The following SRBD1 variants were observed in gnomAD, a reference collection of about 807,000 sequenced individuals.
SRBD1 encodes S1 RNA binding domain 1.
A neutral mutation model predicts 115.3 loss-of-function variants in SRBD1; 88 were observed. The ratio of observed to expected loss-of-function variants is 0.76; its 90% CI spans 0.64 to 0.91. The LOEUF is 0.91. SRBD1 is among the 40% of genes least tolerant of loss of function. SRBD1 has a pLI of 0.00. For synonymous variants in SRBD1, 509 were observed against 407.7 expected (o/e 1.25, Z -2.99); for missense variants, 1,385 against 1,177.4 (o/e 1.18, Z -2.58).
At chr2:45,526,451 G>C (rs1671444958) in intron 14 of SRBD1, among the ~76,000 whole-genome samples, 1 of 151,946 alleles carries the variant, frequency 6.6e-6, no homozygotes, top group Non-Finnish European at 1.5e-5. Context: ...CTGGAGTAGG[G>C]AAGGTGAGAA....
chr2:45,602,485 T>C (rs1477252540), intron 2 of SRBD1, among the ~76,000 whole-genome samples: 3 of 152,202 alleles, frequency 2.0e-5, no homozygotes, highest in African/African-American at 7.2e-5. Flanking sequence ...ATCAAATTCA[T>C]TTAAATTGTA....
chr2:45,441,245 G>A (rs1351472764), intron 16 of SRBD1, among the ~76,000 whole-genome samples: 5 of 152,084 alleles, frequency 3.3e-5, no homozygotes, highest in Non-Finnish European at 5.9e-5. Context: ...TAACCATGGC[G>A]ACAGAGCCCA....
intron 8 of SRBD1, among the ~76,000 whole-genome samples, chr2:45,573,604 T>A (rs1459256940): frequency 6.6e-6 from 1 of 152,262 alleles, no homozygotes; most frequent in East Asian, 1.9e-4. Context: ...CCATCTGCAA[T>A]TATGCAAAAG....
intron 14 of SRBD1, among the ~76,000 whole-genome samples, chr2:45,530,536 T>C (rs1671578864): frequency 6.6e-6 from 1 of 152,058 alleles, no homozygotes; most frequent in African/African-American, 2.4e-5. Context: ...TTCTAAGCAA[T>C]ATCATGCTTC....
intron 16 of SRBD1, among the ~76,000 whole-genome samples, chr2:45,472,445 G>T (rs760418550): frequency 6.6e-6 from 1 of 152,186 alleles, no homozygotes; most frequent in Non-Finnish European, 1.5e-5. Flanking sequence ...TGAATTGTAT[G>T]ATGTGCAATT....
At chr2:45,457,597 C>T (rs1310295290) in intron 16 of SRBD1, among the ~76,000 whole-genome samples, 1 of 151,986 alleles carries the variant, frequency 6.6e-6, no homozygotes, top group African/African-American at 2.4e-5. Flanking sequence ...TTGATACTAA[C>T]TGCAATTAAA....
chr2:45,518,006 T>C (rs1671172303), intron 14 of SRBD1, among the ~76,000 whole-genome samples: 1 of 152,002 alleles, frequency 6.6e-6, no homozygotes, highest in African/African-American at 2.4e-5. Context: ...CAAAAAATAA[T>C]GATGATGATG....
chr2:45,483,552 G>A (rs1157910791), intron 15 of SRBD1, among the ~76,000 whole-genome samples: 1 of 151,994 alleles, frequency 6.6e-6, no homozygotes, highest in Non-Finnish European at 1.5e-5. Flanking sequence ...GAAATATCTA[G>A]AATCCTAAAG....
chr2:45,523,270 C>T (rs1403996182), intron 14 of SRBD1, among the ~76,000 whole-genome samples: 1 of 131,048 alleles, frequency 7.6e-6, no homozygotes, highest in Non-Finnish European at 1.6e-5. Flanking sequence ...CCACCCAAAA[C>T]GCTGGAAAAA....
intron 14 of SRBD1, chr2:45,546,317 C>T: frequency 1.0e-6 from 1 of 985,352 alleles, no homozygotes; most frequent in Non-Finnish European, 1.2e-6. Flanking sequence ...TAATACTTAC[C>T]TTGGCTCTCA....
chr2:45,414,544 T>C (rs1299168963), intron 18 of SRBD1, among the ~76,000 whole-genome samples: 1 of 108,874 alleles, frequency 9.2e-6, no homozygotes, highest in South Asian at 2.9e-4. Context: ...TGTACACACA[T>C]AGTGTCTGTA....
intron 1 of SRBD1, among the ~76,000 whole-genome samples, chr2:45,606,295 G>C (rs950651676): frequency 6.6e-6 from 1 of 151,968 alleles, no homozygotes; most frequent in South Asian, 2.1e-4. Context: ...TAGTAGCTGG[G>C]ATTACAGGCA....
intron 16 of SRBD1, chr2:45,447,143 A>C (rs1406848553): frequency 6.6e-6 from 1 of 152,248 alleles, no homozygotes; most frequent in Non-Finnish European, 1.5e-5. Flanking sequence ...CACTTGTAAA[A>C]AATTACCTTT....
chr2:45,571,518 A>AAAAAAAAAAAAAAAAAAAC (rs1673012114), intron 9 of SRBD1, among the ~76,000 whole-genome samples: 1 of 59,222 alleles, frequency 1.7e-5, no homozygotes, highest in African/African-American at 8.7e-5. Flanking sequence ...AGACTTTACC[A>AAAAAAAAAAAAAAAAAAAC]AAAAAAAAAA....
At chr2:45,585,567 T>C (rs1355229459) in intron 5 of SRBD1, 41 bp downstream of exon 5, 2 of 1,576,776 alleles carry the variant, frequency 1.3e-6, no homozygotes, top group Admixed American at 2.1e-5. Context: ...TCATTGGCCT[T>C]TTCCCCTTAC....
chr2:45,457,319 T>A (rs1224897148), intron 16 of SRBD1, among the ~76,000 whole-genome samples: 1 of 151,946 alleles, frequency 6.6e-6, no homozygotes, highest in Non-Finnish European at 1.5e-5. Context: ...TTACAACTTT[T>A]TTCCCTTGAC....
At chr2:45,589,159 A>G (rs1673637889) in intron 4 of SRBD1, among the ~76,000 whole-genome samples, 1 of 152,184 alleles carries the variant, frequency 6.6e-6, no homozygotes, top group Non-Finnish European at 1.5e-5. Context: ...AAATACAAAT[A>G]TAATCAAGCC....
chr2:45,422,552 T>A (rs1447120135), intron 16 of SRBD1, among the ~76,000 whole-genome samples: 1 of 152,100 alleles, frequency 6.6e-6, no homozygotes, highest in South Asian at 2.1e-4. Context: ...GAATGAACAA[T>A]AGAATGAACA....
In SRBD1 at chr2:45,579,881, C is replaced by A. The variant is rs949411249; in HGVS notation, c.1066G>T (p.Val356Phe). Residue 356 changes from valine (V) to phenylalanine (F), a missense_variant, in exon 7 of 21, where the codon GTT becomes TTT. Coordinates refer to ENST00000263736, the MANE Select transcript of SRBD1 (RefSeq NM_018079.5). The part of the protein sequence containing the change: ...LSLLSYIRPD[V>F]KGLSTLQDIE... ...CTGTAAATAAAGCCAGTACCTTTAA[C>A]GTCAGGCCTAATGTACGATAGCAGA... 1 of 1,574,744 alleles carries A rather than the reference C, an allele frequency of 6.4e-7. No homozygotes were observed. Among genetic ancestry groups the A allele is most frequent in the Non-Finnish European group, 8.6e-7 (1 of 1,165,646 alleles).
Sources: gnomAD v4.1 joint callset for allele counts (sites outside exome capture counted in the v4.1 genomes callset) on GRCh38, gnomAD v4.1.1 for gene constraint, MANE v1.5 for transcripts, NCBI Gene and HGNC (gene_info 2026-07-23, HGNC 2026-07-21) for gene names.